The following PDE9A variants were observed in gnomAD, a reference collection of about 807,000 sequenced individuals.
PDE9A encodes high affinity cGMP-specific 3',5'-cyclic phosphodiesterase 9A.
Under a neutral mutation model 87.4 loss-of-function variants are expected in PDE9A, and 60 were observed. The ratio of observed to expected loss-of-function variants is 0.69; its 90% CI spans 0.56 to 0.85. PDE9A has a LOEUF of 0.85. Ranked by LOEUF, PDE9A falls within the 40% of genes least tolerant of loss-of-function variation. The pLI, the probability that PDE9A is intolerant of heterozygous loss-of-function variation, is 0.00. For missense variants in PDE9A, 665 were observed against 779.0 expected, an observed-to-expected ratio of 0.85 and a Z score of 1.74; for synonymous variants, 272 against 279.4, an observed-to-expected ratio of 0.97 and a Z score of 0.27.
chr21:42,773,418 C>T (rs905444571), intron 19 of PDE9A, among the ~76,000 whole-genome samples: 9 of 152,172 alleles, frequency 5.9e-5, no homozygotes, highest in African/African-American at 4.8e-5. Flanking sequence ...CACGTGTTTG[C>T]TTTATATGGC....
chr21:42,706,737 A>C (rs959501442), intron 4 of PDE9A, among the ~76,000 whole-genome samples: 3 of 152,004 alleles, frequency 2.0e-5, no homozygotes, highest in Non-Finnish European at 4.4e-5. Context: ...CATTTCCATC[A>C]ACCCAAAAAG....
chr21:42,654,911 G>C (rs2056933132), intron 1 of PDE9A, among the ~76,000 whole-genome samples: 1 of 152,132 alleles, frequency 6.6e-6, no homozygotes, highest in South Asian at 2.1e-4. Flanking sequence ...CATCTTCAAG[G>C]ACAGGTGGTC....
chr21:42,764,983 GTGGATGGATGGA>G (rs780841485), intron 14 of PDE9A, among the ~76,000 whole-genome samples: 13 of 118,408 alleles, frequency 1.1e-4, no homozygotes, highest in Non-Finnish European at 1.9e-4. Flanking sequence ...GGGTGGGTGG[GTGGATGGATGGA>G]TGGATGGATG....
rs1307295900 is a variant in PDE9A at position 42,704,402 on chromosome 21, C to T, written c.262+5391C>T. 2.7e-5 allele frequency among the ~76,000 whole-genome samples: 4 copies of T among 149,594 alleles called. No individual in the cohort carries two copies. The highest frequency in any genetic ancestry group is 2.1e-4 in the South Asian group (1 of 4,722). On this transcript the variant is annotated intron_variant, in intron 4 of 19. Coordinates refer to ENST00000291539, the MANE Select transcript of PDE9A (RefSeq NM_002606.3). The surrounding 1 kb of genome is among the most constrained non-coding windows in gnomAD (Gnocchi z 5.3). ...CAGGCTTTTCTTTAGGAGACAAAGT[C>T]GGTGTCAGGTAGACCCCCCCCACCC...
intron 19 of PDE9A, among the ~76,000 whole-genome samples, chr21:42,773,806 A>G (rs1048897145): frequency 1.3e-5 from 2 of 149,110 alleles, no homozygotes; most frequent in Non-Finnish European, 3.0e-5. Flanking sequence ...GTCTCAAAAA[A>G]TAAAAATAAA....
chr21:42,761,968 C>G (rs770267918), intron 13 of PDE9A, 115 bp from the exon 14 acceptor site: 23 of 1,066,140 alleles, frequency 2.2e-5, no homozygotes, highest in Non-Finnish European at 3.0e-5. Flanking sequence ...CCCCAGCCCC[C>G]ACGGCACCTT....
chr21:42,688,797 G>C (rs1031982743), intron 3 of PDE9A, among the ~76,000 whole-genome samples: 4 of 152,224 alleles, frequency 2.6e-5, no homozygotes, highest in African/African-American at 9.6e-5. Context: ...TGTCAATCTG[G>C]TCATCAGGGT....
chr21:42,733,256 C>A, intron 6 of PDE9A, 100 bp from the exon 7 acceptor site: 1 of 725,032 alleles, frequency 1.4e-6, no homozygotes, highest in South Asian at 1.5e-5. Flanking sequence ...AGGCCTTGCC[C>A]ATGCCCACAG....
intron 1 of PDE9A, among the ~76,000 whole-genome samples, chr21:42,681,799 C>G (rs1038704354): frequency 2.0e-5 from 3 of 152,258 alleles, no homozygotes; most frequent in Non-Finnish European, 4.4e-5. Context: ...TTCCCTTAAT[C>G]TTGCTGCCTC....
At chr21:42,662,613 CCA>C (rs1028063061) in intron 1 of PDE9A, among the ~76,000 whole-genome samples, 5 of 140,760 alleles carry the variant, frequency 3.6e-5, no homozygotes, top group East Asian at 2.1e-4. Flanking sequence ...TGCACACACA[CCA>C]CACACACCAC....
At position 42,731,912 on chromosome 21, in the gene PDE9A, C is replaced by G. The variant is rs764307530; in HGVS notation, c.405C>G (p.Pro135=). The change falls in exon 5 of 20, where the codon CCC becomes CCG. Residue 135 remains proline (P), a synonymous_variant. Transcript: ENST00000291539. ...SGQVEPRPRE[P]QGCYQEGQRI... is the part of the protein sequence containing the mutation. ...AGGTAGAGCCCAGGCCCAGAGAGCC[C>G]CAGGGCTGCTACCAGGAAGGCCAGC... The G allele has an allele frequency of 5.3e-5, 85 of 1,613,950 alleles. No individual in the cohort carries two copies. Among genetic ancestry groups the G allele is most frequent in the Non-Finnish European group, 7.0e-5 (83 of 1,179,942 alleles).
At chr21:42,763,504 A>G (rs2056043779) in intron 14 of PDE9A, among the ~76,000 whole-genome samples, 1 of 152,180 alleles carries the variant, frequency 6.6e-6, no homozygotes, top group Non-Finnish European at 1.5e-5. Flanking sequence ...GCAGGAGGAG[A>G]CAAGGAAGGA....
At chr21:42,769,258 CACACACTCAT>C (rs2056687246) in intron 17 of PDE9A, 103 bp downstream of exon 17, 4 of 1,118,702 alleles carry the variant, frequency 3.6e-6, no homozygotes, top group Non-Finnish European at 5.3e-6. Context: ...TACACACAGA[CACACACTCAT>C]GCACACACGT....
At chr21:42,657,516 G>A (rs771482261) in intron 1 of PDE9A, among the ~76,000 whole-genome samples, 29 of 152,322 alleles carry the variant, frequency 1.9e-4, no homozygotes, top group Non-Finnish European at 3.1e-4. Context: ...ACCCTGGGGG[G>A]CCCTGGCTGC....
intron 3 of PDE9A, chr21:42,689,593 G>A (rs2146213798): frequency 1.0e-6 from 1 of 985,422 alleles, no homozygotes; most frequent in Admixed American, 6.1e-5. Flanking sequence ...TTGTTTTCCT[G>A]AAGTCATTTG....
intron 1 of PDE9A, among the ~76,000 whole-genome samples, chr21:42,678,220 C>T (rs947992206): frequency 1.3e-5 from 2 of 152,242 alleles, no homozygotes; most frequent in Admixed American, 6.5e-5. Context: ...GGATCTCTGC[C>T]GGCTGCAGAT....
At chr21:42,737,474 G>A (rs1161582890) in intron 7 of PDE9A, among the ~76,000 whole-genome samples, 1 of 152,198 alleles carries the variant, frequency 6.6e-6, no homozygotes, top group Non-Finnish European at 1.5e-5. Flanking sequence ...TTTTGTTGTT[G>A]TTTGAGACGG....
chr21:42,681,937 G>A (rs569533830), intron 1 of PDE9A, among the ~76,000 whole-genome samples: 1 of 152,250 alleles, frequency 6.6e-6, no homozygotes, highest in South Asian at 2.1e-4. Flanking sequence ...CAGCCTAGGG[G>A]TCCTCCCGTG....
chr21:42,724,702 C>A, intron 4 of PDE9A: 1 of 577,568 alleles, frequency 1.7e-6, no homozygotes, highest in Non-Finnish European at 2.2e-6. Context: ...GTGTCTGTAC[C>A]CTTCCTGAGA....
Sources: gnomAD v4.1 joint callset for allele counts (sites outside exome capture counted in the v4.1 genomes callset) on GRCh38, gnomAD v4.1.1 for gene constraint, Gnocchi (gnomAD v3.1) non-coding constraint, MANE v1.5 for transcripts, NCBI Gene and HGNC (gene_info 2026-07-23, HGNC 2026-07-21) for gene names.